The following SLC4A8 variants were observed in gnomAD, a reference collection of about 807,000 sequenced individuals.
SLC4A8 encodes the protein solute carrier family 4 member 8.
In SLC4A8, 40 loss-of-function variants were observed where a neutral mutation model predicts 125.0. That is an observed-to-expected ratio of 0.32 (90% CI 0.25 to 0.42). The LOEUF (loss-of-function observed/expected upper bound fraction) is 0.42. Ranked by LOEUF, SLC4A8 falls within the 10% of genes least tolerant of loss-of-function variation. The pLI, the probability that SLC4A8 is intolerant of heterozygous loss-of-function variation, is 1.00. For synonymous variants in SLC4A8, 456 were observed against 476.0 expected (o/e 0.96, Z 0.55); for missense variants, 863 against 1,355.1 (o/e 0.64, Z 5.70).
chr12:51,462,330 T>C lies in SLC4A8; in HGVS notation c.1122T>C (p.Tyr374=), dbSNP rs747771281. The C allele has an allele frequency of 9.3e-6, 15 of 1,613,934 alleles. No homozygotes were observed. Among genetic ancestry groups the C allele is most frequent in the Admixed American group, 8.3e-5 (5 of 59,998 alleles). The change falls in exon 10 of 25, where the codon TAT becomes TAC. Residue 374 remains tyrosine (Y), a synonymous_variant. Transcript: ENST00000453097. ...MTDEIFHDVA[Y]KAKERDDLLA... ...TGTAGATTTTTCATGACGTAGCATA[T>C]AAGGCAAAAGAGCGAGATGATCTCC...
intron 15 of SLC4A8, 60 bp from the exon 16 acceptor site, chr12:51,474,985 G>A: frequency 6.8e-6 from 10 of 1,473,052 alleles, no homozygotes; most frequent in African/African-American, 1.4e-5. Flanking sequence ...GACTCAGTAG[G>A]AAACAGCTAT....
chr12:51,484,432 C>T (rs775127674), intron 16 of SLC4A8, among the ~76,000 whole-genome samples: 3 of 152,122 alleles, frequency 2.0e-5, no homozygotes, highest in African/African-American at 4.8e-5. Context: ...CTGGGATGTA[C>T]GTGCCGTAGG....
At chr12:51,425,314 C>G (rs1378111907) in intron 1 of SLC4A8, 2 of 1,269,098 alleles carry the variant, frequency 1.6e-6, no homozygotes, top group African/African-American at 3.1e-5. Flanking sequence ...GGGCGGCGAC[C>G]TCTTGTTCTC....
chr12:51,503,131 C>T (rs562071094), intron 22 of SLC4A8, among the ~76,000 whole-genome samples: 13 of 151,550 alleles, frequency 8.6e-5, no homozygotes, highest in African/African-American at 3.1e-4. Context: ...CCTGAGCCAC[C>T]GCACCCAGCC....
Position 51,514,386 on chromosome 12 carries a change from C to G in SLC4A8, c.*6948C>G, listed in dbSNP as rs1938464203. On this transcript the variant is annotated 3_prime_UTR_variant, in exon 25 of 25. Transcript: ENST00000453097. Reference sequence around the variant, plus strand: ...AATGAGACATCATCCAAGTTCCTCCCTCCTTTACTGTCTCGGCTTTTTCAA... The same window carrying G: ...AATGAGACATCATCCAAGTTCCTCCGTCCTTTACTGTCTCGGCTTTTTCAA... The G allele has an allele frequency of 6.6e-6, 1 of 152,626 alleles. No individual in the cohort carries two copies. The highest frequency in any genetic ancestry group is 2.4e-5 in the African/African-American group (1 of 41,436). The allele number at this position is 152,626 out of a possible 1,614,324, so 9.5% of individuals were successfully genotyped here.
In SLC4A8 at chr12:51,514,349, C is replaced by G. The variant is rs545064065; in HGVS notation, c.*6911C>G. 48 of 152,714 alleles carry G rather than the reference C, an allele frequency of 3.1e-4. No homozygotes were observed. Among genetic ancestry groups the G allele is most frequent in the African/African-American group, 1.1e-3 (44 of 41,542 alleles). 9.5% of individuals were successfully genotyped at this position (152,714 alleles called of 1,614,324 possible). A position where few individuals can be genotyped will look rare whatever the true frequency, so the allele number is the denominator to read the frequency against. On this transcript the variant is annotated 3_prime_UTR_variant, in exon 25 of 25. Coordinates refer to ENST00000453097, the MANE Select transcript of SLC4A8 (RefSeq NM_001039960.3). ...TTAGGTAGAAGTCCTTTGAGCAGAC[C>G]CGAAATGGCCAAATGAGACATCATC...
At chr12:51,444,222 G>T (rs1179462337) in intron 2 of SLC4A8, among the ~76,000 whole-genome samples, 2 of 152,166 alleles carry the variant, frequency 1.3e-5, no homozygotes, top group Non-Finnish European at 2.9e-5. Flanking sequence ...AATCCAGTTA[G>T]ATGGACTGGA....
chr12:51,459,817 T>G, intron 7 of SLC4A8, 134 bp from the exon 8 acceptor site: 16 of 701,878 alleles, frequency 2.3e-5, no homozygotes, highest in Non-Finnish European at 3.1e-5. Context: ...AGCTGTGAGC[T>G]GAGATTGCGC....
chr12:51,412,961 G>A (rs1200630851), intron 1 of SLC4A8, among the ~76,000 whole-genome samples: 1 of 135,424 alleles, frequency 7.4e-6, no homozygotes, highest in African/African-American at 2.6e-5. Context: ...TCACATGGTA[G>A]TTCTATTTTT....
At chr12:51,447,422 C>T (rs1429662009) in intron 2 of SLC4A8, among the ~76,000 whole-genome samples, 1 of 152,032 alleles carries the variant, frequency 6.6e-6, no homozygotes. Flanking sequence ...AATGAGGCAG[C>T]ACATCTGATG....
intron 2 of SLC4A8, among the ~76,000 whole-genome samples, chr12:51,448,510 A>G (rs1435190304): frequency 6.6e-6 from 1 of 152,176 alleles, no homozygotes; most frequent in African/African-American, 2.4e-5. Flanking sequence ...AAAACAGAAG[A>G]GTGTTTAGCA....
At chr12:51,506,419 CTTTTTCTTTTCCTT>C (rs1938173848) in intron 24 of SLC4A8, among the ~76,000 whole-genome samples, 1 of 150,238 alleles carries the variant, frequency 6.7e-6, no homozygotes, top group Non-Finnish European at 1.5e-5. Context: ...TTCTTTCTTT[CTTTTTCTTTTCCTT>C]TTTTTCTTTT....
intron 12 of SLC4A8, 28 bp downstream of exon 12, chr12:51,469,816 T>C: frequency 6.2e-7 from 1 of 1,608,620 alleles, no homozygotes; most frequent in Non-Finnish European, 8.5e-7. Flanking sequence ...CTTCTAATGA[T>C]CCCAAACAAG....
intron 16 of SLC4A8, among the ~76,000 whole-genome samples, chr12:51,482,102 A>G (rs529099625): frequency 2.6e-5 from 4 of 152,330 alleles, no homozygotes; most frequent in South Asian, 2.1e-4. Flanking sequence ...TTTAATGTGG[A>G]TAGTCAATAG....
chr12:51,445,650 C>T (rs982976021), intron 2 of SLC4A8, among the ~76,000 whole-genome samples: 1 of 152,036 alleles, frequency 6.6e-6, no homozygotes, highest in African/African-American at 2.4e-5. Context: ...AGGACCTGTG[C>T]ACTTGATCTT....
intron 21 of SLC4A8, among the ~76,000 whole-genome samples, chr12:51,496,761 G>A (rs777550424): frequency 2.0e-5 from 3 of 152,172 alleles, no homozygotes; most frequent in Non-Finnish European, 4.4e-5. Context: ...ACAGAATCCA[G>A]TTAGCTGCTC....
In SLC4A8 at chr12:51,450,866, T is replaced by A; in HGVS notation, c.131-10T>A. On this transcript the variant is annotated splice_polypyrimidine_tract_variant and intron_variant, in intron 2 of 24. Coordinates refer to ENST00000453097, the MANE Select transcript of SLC4A8 (RefSeq NM_001039960.3). ...GGAGTTCTCTCCACAGACCTTCTGC[T>A]TCTTTCCAGGTCACAGAACTCTGTA... 6 of 1,613,502 alleles carry A rather than the reference T, an allele frequency of 3.7e-6. No individual in the cohort carries two copies. The highest frequency in any genetic ancestry group is 5.1e-6 in the Non-Finnish European group (6 of 1,179,670).
In SLC4A8 at chr12:51,471,294, G is replaced by A; in HGVS notation, c.1666G>A (p.Ala556Thr). 6.2e-7 allele frequency: 1 copy of A among 1,611,200 alleles called. No individual in the cohort carries two copies. Among genetic ancestry groups the A allele is most frequent in the South Asian group, 1.1e-5 (1 of 91,050 alleles). ...ACTTTGGTCTTGTTTCAGAGACTAT[G>A]CTCTTTCATACCTCTCCCTGCGAGC... is the stretch of plus-strand genomic sequence containing the variant. The part of the protein sequence containing the change: ...KILFKFCKDY[A>T]LSYLSLRACI... Residue 556 changes from alanine to threonine, a missense_variant, in exon 14 of 25, where the codon GCT becomes ACT. Ala to Thr is a moderately conservative substitution (Grantham distance 58). This residue lies in a region of SLC4A8 where 390 missense variants were observed against 634.4 expected (regional missense o/e 0.61). Coordinates refer to ENST00000453097, the MANE Select transcript of SLC4A8 (RefSeq NM_001039960.3).
At chr12:51,485,973 C>A in intron 17 of SLC4A8, 73 bp downstream of exon 17, 3 of 857,444 alleles carry the variant, frequency 3.5e-6, no homozygotes, top group South Asian at 2.9e-5. Flanking sequence ...ATTTCAAAGG[C>A]CTTTTCATAT....
Sources: allele counts gnomAD v4.1 joint callset (sites outside exome capture counted in the v4.1 genomes callset), GRCh38; gene constraint gnomAD v4.1.1; regional missense constraint gnomAD v4.1.1; transcripts MANE v1.5; gene names NCBI Gene and HGNC (gene_info 2026-07-23, HGNC 2026-07-21).